Variants in WDFY1 observed in about 807,000 individuals in gnomAD.
WDFY1 encodes WD repeat and FYVE domain containing 1, also known as WD repeat and FYVE domain-containing protein 1.
In WDFY1, 32 loss-of-function variants were observed where a neutral mutation model predicts 56.4. That is an observed-to-expected ratio of 0.57 (90% CI 0.43 to 0.76). The LOEUF (loss-of-function observed/expected upper bound fraction) is 0.76, where lower values mean the gene tolerates loss of function less well. Among genes scored for constraint, WDFY1 ranks in the 30% least tolerant of loss-of-function variants. The pLI is 0.00. For synonymous variants in WDFY1, 192 were observed against 197.3 expected (o/e 0.97, Z 0.23); for missense variants, 480 against 545.7 (o/e 0.88, Z 1.20).
Position 223,899,581 on chromosome 2 carries a change from C to A in WDFY1, c.486-511G>T, listed in dbSNP as rs1693467045. ...CCAACATGGTGAAACCCCGTCTCTACTAAAAACACAAAAAATTAGCTGGGC... is the reference window on the plus strand; with the variant it reads ...CCAACATGGTGAAACCCCGTCTCTAATAAAAACACAAAAAATTAGCTGGGC... On this transcript the variant is annotated intron_variant, in intron 5 of 11. Transcript: ENST00000233055. 2.6e-5 allele frequency among the ~76,000 whole-genome samples: 4 copies of A among 152,084 alleles called. No individual in the cohort carries two copies. The South Asian group carries it at 8.3e-4, about 32-fold the overall frequency.
At chr2:223,889,957 C>CAG (rs1429637274) in intron 8 of WDFY1, among the ~76,000 whole-genome samples, 1 of 152,156 alleles carries the variant, frequency 6.6e-6, no homozygotes, top group Non-Finnish European at 1.5e-5. Flanking sequence ...GAAACTGGCT[C>CAG]AGAGATTAAA....
intron 8 of WDFY1, among the ~76,000 whole-genome samples, chr2:223,886,759 ACCCCAATCACTTAACATTATATATGTGC>A (rs1693181264): frequency 7.0e-6 from 1 of 143,372 alleles, no homozygotes; most frequent in South Asian, 2.3e-4. Flanking sequence ...AGCCTGTTTA[ACCCCAATCACTTAACATTATATATGTGC>A]AACAAAAATA....
chr2:223,897,351 CATATATATATATATATATATATAT>C (rs1194128689), intron 6 of WDFY1, among the ~76,000 whole-genome samples: 1 of 53,670 alleles, frequency 1.9e-5, no homozygotes, highest in African/African-American at 6.9e-5. Context: ...CTAAATTTCG[CATATATATATATATATATATATAT>C]ATATATATAT....
Position 223,899,006 on chromosome 2 carries a change from G to A in WDFY1, c.550C>T (p.Leu184Phe), listed in dbSNP as rs1452032041. 6 of 1,614,038 alleles carry A rather than the reference G, an allele frequency of 3.7e-6. No homozygotes were observed. The highest frequency in any genetic ancestry group is 5.1e-6 in the Non-Finnish European group (6 of 1,180,026). The change falls in exon 6 of 12, where the codon CTT (leucine) becomes TTT (phenylalanine). Residue 184 changes from leucine to phenylalanine, a missense_variant. By Grantham distance (22) the Leu-to-Phe change is conservative (BLOSUM62 0). Transcript: ENST00000233055. ...DYSGQITLLK[L>F]EQNTCSVITT... The stretch of plus-strand genomic sequence containing the variant: ...ATGACTGAACACGTGTTCTGTTCAA[G>A]CTTCAGCAGGGTGATCTGCCCAGAA...
At chr2:223,907,751 A>C (rs1693622185) in intron 3 of WDFY1, among the ~76,000 whole-genome samples, 1 of 151,966 alleles carries the variant, frequency 6.6e-6, no homozygotes. Context: ...CATTTCCAGC[A>C]CCCTCACCTG....
rs1692996523 is a variant in WDFY1 at position 223,877,870 on chromosome 2, A to C, written c.*801T>G. The C allele has an allele frequency of 1.3e-5, 2 of 152,630 alleles. No homozygotes were observed. The highest frequency in any genetic ancestry group is 4.1e-4 in the South Asian group (2 of 4,836). 9.5% of individuals were successfully genotyped at this position (152,630 alleles called of 1,614,324 possible). ...GTGGCTGGGTTTTCCATCAGTCATT[A>C]CTAATGGCAATGAGAAAAAGTCAGG... On this transcript the variant is annotated 3_prime_UTR_variant, in exon 12 of 12. Transcript: ENST00000233055.
chr2:223,904,245 CTATTT>C (rs1472161503), intron 4 of WDFY1, among the ~76,000 whole-genome samples: 16 of 152,036 alleles, frequency 1.1e-4, no homozygotes, highest in African/African-American at 2.4e-5. Flanking sequence ...CACTTTTCTC[CTATTT>C]TATTTATTGA....
intron 8 of WDFY1, 133 bp downstream of exon 8, chr2:223,894,101 C>A: frequency 1.3e-6 from 1 of 763,926 alleles, no homozygotes. Flanking sequence ...CAGAAATAAC[C>A]CATTAGCAGA....
In WDFY1 at chr2:223,905,922, G is replaced by A. The variant is rs78370887; in HGVS notation, c.334+25C>T. 69 of 1,490,760 alleles carry A rather than the reference G, an allele frequency of 4.6e-5. No homozygotes were observed. The East Asian group carries it at 9.5e-4, about 20-fold the overall frequency. The allele number at this position is 1,490,760 out of a possible 1,614,324, so 92.3% of individuals were successfully genotyped here. A position where few individuals can be genotyped will look rare whatever the true frequency, so the allele number is the denominator to read the frequency against. ...TGTGTATGTCTACATGTATGTGTAC[G>A]CAAGATAATGTGTATTATAATTACC... On this transcript the variant is annotated intron_variant, in intron 4 of 11. Coordinates refer to ENST00000233055, the MANE Select transcript of WDFY1 (RefSeq NM_020830.5).
chr2:223,933,779 A>AG (rs1369193839), intron 1 of WDFY1, among the ~76,000 whole-genome samples: 1 of 140,512 alleles, frequency 7.1e-6, no homozygotes, highest in East Asian at 2.0e-4. Context: ...CAACATAGTG[A>AG]GACCCCCCCC....
chr2:223,942,167 C>T (rs966596237), intron 1 of WDFY1, among the ~76,000 whole-genome samples: 1 of 152,150 alleles, frequency 6.6e-6, no homozygotes, highest in Non-Finnish European at 1.5e-5. Flanking sequence ...TATTTAGCAA[C>T]TTACCCAAAA....
At chr2:223,887,201 C>G (rs1367956704) in intron 8 of WDFY1, among the ~76,000 whole-genome samples, 1 of 152,176 alleles carries the variant, frequency 6.6e-6, no homozygotes, top group Non-Finnish European at 1.5e-5. Flanking sequence ...TGTGGGGATA[C>G]TACCTGGGGA....
intron 1 of WDFY1, among the ~76,000 whole-genome samples, chr2:223,944,200 A>G (rs1689362446): frequency 6.6e-6 from 1 of 152,142 alleles, no homozygotes; most frequent in African/African-American, 2.4e-5. Context: ...CAGGGGGAGG[A>G]AGAGAGCGAA....
chr2:223,924,990 T>C (rs1693953975), intron 1 of WDFY1, among the ~76,000 whole-genome samples: 2 of 152,096 alleles, frequency 1.3e-5, no homozygotes, highest in African/African-American at 4.8e-5. Context: ...AATTCCAGGC[T>C]TGGAAATTGG....
At chr2:223,884,874 T>TTGG in intron 8 of WDFY1, 125 bp from the exon 9 acceptor site, 1 of 867,418 alleles carries the variant, frequency 1.2e-6, no homozygotes, top group Non-Finnish European at 1.8e-6. Flanking sequence ...TTTTTTTTTT[T>TTGG]TGGTCTCCCA....
intron 1 of WDFY1, among the ~76,000 whole-genome samples, chr2:223,918,242 C>T (rs1042908543): frequency 7.2e-5 from 11 of 152,056 alleles, no homozygotes; most frequent in Admixed American, 5.9e-4. Context: ...ACACCATATA[C>T]ATATACATAC....
chr2:223,943,473 T>C (rs761164040), intron 1 of WDFY1, among the ~76,000 whole-genome samples: 3 of 152,224 alleles, frequency 2.0e-5, no homozygotes, highest in Non-Finnish European at 4.4e-5. Context: ...AGGCTTTTTC[T>C]TCCCATTCAG....
rs116369896 is a variant in WDFY1, at chr2:223,882,602, A to G, written c.934-530T>C. 1.9e-3 allele frequency among the ~76,000 whole-genome samples: 285 copies of G among 152,314 alleles called. 2 individuals are homozygous for G. The highest frequency in any genetic ancestry group is 6.6e-3 in the African/African-American group (273 of 41,584). The stretch of plus-strand genomic sequence containing the variant: ...GTCAAATGTTGCTTTTCATTCATTC[A>G]TATTATCTGTCTACATGTTAACAAA... On this transcript the variant is annotated intron_variant, in intron 9 of 11. Coordinates refer to ENST00000233055, the MANE Select transcript of WDFY1 (RefSeq NM_020830.5).
At chr2:223,922,389 A>C (rs576633094) in intron 1 of WDFY1, among the ~76,000 whole-genome samples, 1 of 152,356 alleles carries the variant, frequency 6.6e-6, no homozygotes, top group Admixed American at 6.5e-5. Context: ...TAGGGGATGA[A>C]GCCAAAACCA....
Sources: gnomAD v4.1 joint callset for allele counts (sites outside exome capture counted in the v4.1 genomes callset) on GRCh38, gnomAD v4.1.1 for gene constraint, MANE v1.5 for transcripts, NCBI Gene and HGNC (gene_info 2026-07-23, HGNC 2026-07-21) for gene names.